ACR: variants seen among roughly 807,000 people sequenced by gnomAD.
ACR encodes acrosin, also known as acrosin light and heavy chain prepropeptide.
In ACR, 17 loss-of-function variants were observed where a neutral mutation model predicts 26.0. The observed-to-expected ratio is 0.65, with a 90% confidence interval of 0.45 to 0.98. ACR has a LOEUF of 0.98. Among genes scored for constraint, ACR ranks in the 50% least tolerant of loss-of-function variants. The pLI is 0.00. For synonymous variants in ACR, 199 were observed against 207.7 expected (o/e 0.96, Z 0.36); for missense variants, 435 against 519.3 (o/e 0.84, Z 1.58).
chr22:50,743,483 AC>A (rs1269375490), intron 3 of ACR: 1 of 155,054 alleles, frequency 6.4e-6, no homozygotes, highest in East Asian at 1.9e-4. Context: ...GGACTTATTG[AC>A]CCAGCTGCAG....
At position 50,739,917 on chromosome 22, in the gene ACR, G is replaced by A; in HGVS notation, c.505G>A (p.Gly169Ser). ...GGGCTGCCTGCCCCACTTTAAGGCA[G>A]GCCTCCCCAGAGGCTCCCAGAGCTG... is the stretch of plus-strand genomic sequence containing the variant. The part of the protein sequence containing the change: ...GPGCLPHFKA[G>S]LPRGSQSCWV... The change falls in exon 3 of 5, where the codon GGC (glycine) becomes AGC (serine). Residue 169 changes from glycine (G) to serine (S), a missense_variant. Coordinates refer to ENST00000216139, the MANE Select transcript of ACR (RefSeq NM_001097.3). This position sits in a 1 kb window ranked among gnomAD's most constrained non-coding sequence, Gnocchi z 5.5. 1 of 1,613,966 alleles carries A rather than the reference G, an allele frequency of 6.2e-7. No individual in the cohort carries two copies. The highest frequency in any genetic ancestry group is 8.5e-7 in the Non-Finnish European group (1 of 1,179,992).
intron 1 of ACR, 76 bp downstream of exon 1, chr22:50,738,388 C>CTA: frequency 1.4e-6 from 2 of 1,462,596 alleles, no homozygotes; most frequent in Admixed American, 1.9e-5. Flanking sequence ...CTGTCCAGGG[C>CTA]TAGGGAAAAG....
At position 50,739,386 on chromosome 22, in the gene ACR, T is replaced by G. The variant is rs758733691; in HGVS notation, c.193T>G (p.Tyr65Asp). Reference protein sequence around the residue: ...PWMVSLQIFTYNSHRYHTCGG... With the variant: ...PWMVSLQIFTDNSHRYHTCGG... The stretch of plus-strand genomic sequence containing the variant: ...GATGGTCAGCCTCCAGATCTTCACG[T>G]ACAACAGCCACAGGTACCACACATG... Residue 65 changes from tyrosine (Y) to aspartate (D), a missense_variant, in exon 2 of 5, where the codon TAC becomes GAC. This residue lies in a region of ACR where 314 missense variants were observed against 372.0 expected (regional missense o/e 0.84). Coordinates refer to ENST00000216139, the MANE Select transcript of ACR (RefSeq NM_001097.3). This position sits in a 1 kb window ranked among gnomAD's most constrained non-coding sequence, Gnocchi z 5.5. 10 of 1,613,920 alleles carry G rather than the reference T, an allele frequency of 6.2e-6. No individual in the cohort carries two copies. The highest frequency in any genetic ancestry group is 1.3e-5 in the African/African-American group (1 of 74,936).
rs368095098 is a variant in ACR at position 50,744,885 on chromosome 22, C to G, written c.944C>G (p.Pro315Arg). 3.1e-6 allele frequency: 5 copies of G among 1,595,954 alleles called. No individual in the cohort carries two copies. The African/African-American group carries it at 5.7e-5, about 18-fold the overall frequency. ...ACTCGACCGCCCCCGATTCGACCCC[C>G]CTTCTCCCACCCTATCTCTGCTCAC... ...PTTRPPPIRP[P>R]FSHPISAHLP... Residue 315 changes from proline (P) to arginine (R), a missense_variant, in exon 5 of 5, where the codon CCC (proline) becomes CGC (arginine). Around this residue, in one of 3 missense-constraint regions of ACR, gnomAD observed 29 missense variants for 59.4 expected, o/e 0.49. Transcript: ENST00000216139.
intron 3 of ACR, 50 bp from the exon 4 acceptor site, chr22:50,744,011 T>A: frequency 1.5e-6 from 2 of 1,356,608 alleles, no homozygotes; most frequent in Non-Finnish European, 1.0e-6. Flanking sequence ...GAGGCAGGGC[T>A]TTTGTCCGTG....
intron 3 of ACR, among the ~76,000 whole-genome samples, chr22:50,743,225 C>T (rs1226342005): frequency 1.3e-5 from 2 of 151,588 alleles, no homozygotes; most frequent in African/African-American, 2.4e-5. Flanking sequence ...TTAGTAGAGA[C>T]GGGGTTTCAC....
intron 3 of ACR, among the ~76,000 whole-genome samples, chr22:50,742,427 C>G (rs6010068): frequency 6.6e-6 from 1 of 150,734 alleles, no homozygotes; most frequent in Non-Finnish European, 1.5e-5. Context: ...GCCTGTAGTC[C>G]CAGCTACTCG....
At chr22:50,738,507 C>G (rs1019151915) in intron 1 of ACR, among the ~76,000 whole-genome samples, 195 bp downstream of exon 1, 1 of 151,298 alleles carries the variant, frequency 6.6e-6, no homozygotes, top group Non-Finnish European at 1.5e-5. Flanking sequence ...CTCAGCACCT[C>G]AGGCTCCTTG....
Position 50,741,503 on chromosome 22 carries a change from CCTATT to C in ACR, c.565+1532_565+1536del, listed in dbSNP as rs1214814839. On this transcript the variant is annotated intron_variant, in intron 3 of 4. Coordinates refer to ENST00000216139, the MANE Select transcript of ACR (RefSeq NM_001097.3). ...GGTCCCCACTGCCAACCGTTGCTGT[CCTATT>C]CTATTACTCAGACAGATTGTAGTGT... is the stretch of plus-strand genomic sequence containing the variant. 2.0e-5 allele frequency among the ~76,000 whole-genome samples: 3 copies of C among 151,968 alleles called. No individual in the cohort carries two copies. In the East Asian group the frequency reaches 5.8e-4, roughly 29 times the overall value.
chr22:50,743,175 A>T (rs1279078538), intron 3 of ACR, among the ~76,000 whole-genome samples: 1 of 150,094 alleles, frequency 6.7e-6, no homozygotes, highest in South Asian at 2.1e-4. Context: ...AGCTGGGACT[A>T]CAGGCGCCCG....
intron 3 of ACR, among the ~76,000 whole-genome samples, chr22:50,743,196 T>A (rs56807126): frequency 1.4e-4 from 21 of 146,312 alleles, no homozygotes; most frequent in African/African-American, 5.1e-4. Flanking sequence ...CCACCATGCC[T>A]GGCTAATTTT....
At position 50,738,349 on chromosome 22, in the gene ACR, C is replaced by A. The variant is rs1006564453; in HGVS notation, c.77+37C>A. 10 of 1,601,930 alleles carry A rather than the reference C, an allele frequency of 6.2e-6. No individual in the cohort carries two copies. The African/African-American group carries it at 1.3e-4, about 21-fold the overall frequency. The stretch of plus-strand genomic sequence containing the variant: ...GGCACCTTGGTGGGGGAAGGATCTT[C>A]TGAGGAGCAGGTACCACCCCGACTC... On this transcript the variant is annotated intron_variant, in intron 1 of 4. Coordinates refer to ENST00000216139, the MANE Select transcript of ACR (RefSeq NM_001097.3).
chr22:50,744,540 C>A, intron 4 of ACR, 113 bp from the exon 5 acceptor site: 1 of 1,428,014 alleles, frequency 7.0e-7, no homozygotes, highest in Non-Finnish European at 9.3e-7. Context: ...CTTGTGTTTA[C>A]AGCAGCAGGA....
At chr22:50,742,826 G>A (rs1308718154) in intron 3 of ACR, among the ~76,000 whole-genome samples, 3 of 152,238 alleles carry the variant, frequency 2.0e-5, no homozygotes, top group Admixed American at 2.0e-4. Flanking sequence ...TTCTGGGTCT[G>A]CCCCTACCTC....
Position 50,739,649 on chromosome 22 carries a change from CT to C in ACR, c.282-41del. 6.5e-7 allele frequency: 1 copy of C among 1,540,380 alleles called. No homozygotes were observed. Among genetic ancestry groups the C allele is most frequent in the Non-Finnish European group, 8.7e-7 (1 of 1,144,242 alleles). ...GGCCCTGAGGGTCGCTGTCACCAGG[CT>C]TTTGTCCAGCCGGTTGTGACCTGGC... is the stretch of plus-strand genomic sequence containing the variant. On this transcript the variant is annotated intron_variant, in intron 2 of 4. Coordinates refer to ENST00000216139, the MANE Select transcript of ACR (RefSeq NM_001097.3). The surrounding 1 kb of genome is among the most constrained non-coding windows in gnomAD (Gnocchi z 5.5).
intron 1 of ACR, 114 bp downstream of exon 1, chr22:50,738,426 C>G (rs1443052048): frequency 6.4e-6 from 7 of 1,093,384 alleles, no homozygotes; most frequent in African/African-American, 3.2e-5. Flanking sequence ...CTGGACCCCC[C>G]CTGCTCCCAG....
chr22:50,743,108 T>G (rs1200319189), intron 3 of ACR, among the ~76,000 whole-genome samples: 1 of 151,686 alleles, frequency 6.6e-6, no homozygotes, highest in Admixed American at 6.6e-5. Flanking sequence ...CCATCTCGGC[T>G]CACTGCAAGC....
Position 50,739,341 on chromosome 22 carries a change from C to T in ACR, c.148C>T (p.Gln50Ter). The T allele has an allele frequency of 6.2e-7, 1 of 1,611,964 alleles. No homozygotes were observed. Among genetic ancestry groups the T allele is most frequent in the Non-Finnish European group, 8.5e-7 (1 of 1,179,120 alleles). ...GVRIVGGKAA[Q>*]HGAWPWMVSL... The stretch of plus-strand genomic sequence containing the variant: ...CCGCATCGTCGGCGGGAAGGCTGCA[C>T]AGCATGGGGCCTGGCCCTGGATGGT... The change falls in exon 2 of 5, where the codon CAG (glutamine) becomes TAG (stop). Residue 50 changes from glutamine (Q) to a stop codon, truncating the protein, a stop_gained. Coordinates refer to ENST00000216139, the MANE Select transcript of ACR (RefSeq NM_001097.3). LOFTEE classifies it high-confidence loss of function. This position sits in a 1 kb window ranked among gnomAD's most constrained non-coding sequence, Gnocchi z 5.5.
chr22:50,739,010 C>G lies in ACR; in HGVS notation c.78-261C>G, dbSNP rs2083411539. On this transcript the variant is annotated intron_variant, in intron 1 of 4. Transcript: ENST00000216139. This position sits in a 1 kb window ranked among gnomAD's most constrained non-coding sequence, Gnocchi z 5.5. ...CAGGGACGGGCCATCCCTCAGGGCC[C>G]ATGCAGCCTGTCCTGGCTTCCTATG... is the stretch of plus-strand genomic sequence containing the variant. Among the ~76,000 whole-genome samples, 1 of 152,234 alleles carries G rather than the reference C, an allele frequency of 6.6e-6. No homozygotes were observed. The highest frequency in any genetic ancestry group is 1.5e-5 in the Non-Finnish European group (1 of 68,046).
Sources: allele counts gnomAD v4.1 joint callset (sites outside exome capture counted in the v4.1 genomes callset), GRCh38; gene constraint gnomAD v4.1.1; regional missense constraint gnomAD v4.1.1; non-coding constraint Gnocchi (gnomAD v3.1); transcripts MANE v1.5; gene names NCBI Gene and HGNC (gene_info 2026-07-23, HGNC 2026-07-21).